FRAS1: variants seen among roughly 807,000 people sequenced by gnomAD.
FRAS1 encodes extracellular matrix organizing protein FRAS1.
FRAS1 carries 290 observed loss-of-function variants against 435.2 expected under a neutral mutation model. That is an observed-to-expected ratio of 0.67 (90% CI 0.61 to 0.73). The LOEUF is 0.73. FRAS1 is among the 30% of genes least tolerant of loss of function. The probability of loss-of-function intolerance (pLI) is 0.00; values close to 1 mark genes in which losing one functional copy is unlikely to be tolerated. For synonymous variants in FRAS1, 1,800 were observed against 1,851.0 expected (o/e 0.97, Z 0.71); for missense variants, 4,860 against 5,001.5 (o/e 0.97, Z 0.85).
At chr4:78,234,363 C>G (rs1724650279) in intron 2 of FRAS1, among the ~76,000 whole-genome samples, 3 of 151,802 alleles carry the variant, frequency 2.0e-5, no homozygotes, top group Non-Finnish European at 3.0e-5. Flanking sequence ...GTAGCTGGGA[C>G]TACAGGCACC....
chr4:78,533,225 C>T (rs1721776842), intron 70 of FRAS1, among the ~76,000 whole-genome samples: 1 of 152,150 alleles, frequency 6.6e-6, no homozygotes, highest in African/African-American at 2.4e-5. Context: ...CTTACTATTT[C>T]CTTAGAACGT....
chr4:78,483,017 A>G (rs958414185), intron 58 of FRAS1, among the ~76,000 whole-genome samples: 1 of 152,230 alleles, frequency 6.6e-6, no homozygotes, highest in East Asian at 1.9e-4. Context: ...GTGGAGACAT[A>G]TAGTAAATAC....
chr4:78,123,552 A>T (rs1457573771), intron 2 of FRAS1, among the ~76,000 whole-genome samples: 1 of 152,190 alleles, frequency 6.6e-6, no homozygotes, highest in African/African-American at 2.4e-5. Flanking sequence ...CATTGAATAC[A>T]TAAATTATTT....
intron 2 of FRAS1, among the ~76,000 whole-genome samples, chr4:78,119,751 A>G (rs1180037795): frequency 6.6e-6 from 1 of 152,204 alleles, no homozygotes; most frequent in Non-Finnish European, 1.5e-5. Flanking sequence ...ATTCAGCGAG[A>G]TGAGGGAGGA....
intron 2 of FRAS1, among the ~76,000 whole-genome samples, chr4:78,117,671 C>G (rs1718714448): frequency 6.6e-6 from 1 of 152,174 alleles, no homozygotes; most frequent in South Asian, 2.1e-4. Flanking sequence ...CCATGGTTTT[C>G]AGCTCCATCA....
At chr4:78,340,851 A>G (rs1730371426) in intron 20 of FRAS1, among the ~76,000 whole-genome samples, 1 of 152,078 alleles carries the variant, frequency 6.6e-6, no homozygotes, top group Admixed American at 6.6e-5. Flanking sequence ...TTCTCTTCTT[A>G]TAACTATATT....
At chr4:78,314,965 C>T (rs1729176899) in intron 15 of FRAS1, among the ~76,000 whole-genome samples, 2 of 152,058 alleles carry the variant, frequency 1.3e-5, no homozygotes, top group Admixed American at 1.3e-4. Context: ...TATTAGACTA[C>T]TAAGCTACTT....
intron 15 of FRAS1, among the ~76,000 whole-genome samples, chr4:78,313,035 G>A (rs1729097398): frequency 6.6e-6 from 1 of 152,144 alleles, no homozygotes; most frequent in Non-Finnish European, 1.5e-5. Context: ...GTCTTAAAAT[G>A]TTTGATATGC....
intron 6 of FRAS1, among the ~76,000 whole-genome samples, chr4:78,257,346 GATTACTTTTGCACCT>G (rs1725841954): frequency 6.6e-6 from 1 of 152,044 alleles, no homozygotes; most frequent in Non-Finnish European, 1.5e-5. Flanking sequence ...CCAAGGCCAT[GATTACTTTTGCACCT>G]GCCTAATAAT....
At chr4:78,238,454 A>G (rs1724853358) in intron 3 of FRAS1, among the ~76,000 whole-genome samples, 1 of 151,664 alleles carries the variant, frequency 6.6e-6, no homozygotes. Context: ...TTATTTTTCT[A>G]GTTTTTGGCT....
chr4:78,375,019 C>G (rs1731698223), intron 25 of FRAS1, among the ~76,000 whole-genome samples: 2 of 152,178 alleles, frequency 1.3e-5, no homozygotes, highest in African/African-American at 4.8e-5. Flanking sequence ...TTTTCTGATT[C>G]TAATCCGGGG....
intron 2 of FRAS1, among the ~76,000 whole-genome samples, chr4:78,224,800 G>A (rs1486688231): frequency 6.6e-6 from 1 of 152,128 alleles, no homozygotes; most frequent in Admixed American, 6.5e-5. Context: ...CCAAAGTGCT[G>A]AGATTACAGA....
chr4:78,331,694 TGG>T (rs1452675008), intron 18 of FRAS1, among the ~76,000 whole-genome samples: 23 of 152,146 alleles, frequency 1.5e-4, no homozygotes, highest in African/African-American at 5.6e-4. Context: ...TCTTGTCCAT[TGG>T]GCAGAAGATG....
chr4:78,284,397 G>A lies in FRAS1; in HGVS notation c.1256-8G>A, dbSNP rs771747840. On this transcript the variant is annotated splice_region_variant and splice_polypyrimidine_tract_variant and intron_variant, in intron 12 of 73. Coordinates refer to ENST00000512123, the MANE Select transcript of FRAS1 (RefSeq NM_025074.7). ...CAGAGTTCTCCCCTTCTTTGTCCTT[G>A]ATTTCAGTTCATTGCCATCCAGATT... 1.2e-6 allele frequency: 2 copies of A among 1,613,724 alleles called. No homozygotes were observed. Among genetic ancestry groups the A allele is most frequent in the Non-Finnish European group, 1.7e-6 (2 of 1,179,770 alleles).
At chr4:78,315,551 C>G in intron 15 of FRAS1, 43 bp from the exon 16 acceptor site, 3 of 1,560,604 alleles carry the variant, frequency 1.9e-6, no homozygotes, top group Non-Finnish European at 2.6e-6. Flanking sequence ...GCTTCTTTTG[C>G]TCACTATTGC....
chr4:78,113,783 G>A (rs911477091), intron 2 of FRAS1, among the ~76,000 whole-genome samples: 2 of 152,116 alleles, frequency 1.3e-5, no homozygotes, highest in African/African-American at 4.8e-5. Context: ...TAGGTTGCCT[G>A]GTCTCTCTGA....
chr4:78,224,247 A>G (rs550708107), intron 2 of FRAS1, among the ~76,000 whole-genome samples: 2 of 152,332 alleles, frequency 1.3e-5, no homozygotes, highest in South Asian at 2.1e-4. Flanking sequence ...TTTCATTTGA[A>G]AGATCGTGGT....
chr4:78,538,933 C>G (rs545239072), intron 72 of FRAS1, among the ~76,000 whole-genome samples: 13 of 140,220 alleles, frequency 9.3e-5, no homozygotes, highest in South Asian at 4.7e-4. Context: ...CCAGCCTGGG[C>G]GACAGAGCAA....
chr4:78,442,602 A>G (rs1401274161), intron 41 of FRAS1, among the ~76,000 whole-genome samples: 1 of 152,214 alleles, frequency 6.6e-6, no homozygotes, highest in Non-Finnish European at 1.5e-5. Context: ...CCTTCCTAAC[A>G]TGGTTTTATG....
Sources: allele counts gnomAD v4.1 joint callset (sites outside exome capture counted in the v4.1 genomes callset), GRCh38; gene constraint gnomAD v4.1.1; transcripts MANE v1.5; gene names NCBI Gene and HGNC (gene_info 2026-07-23, HGNC 2026-07-21).